The following SMYD3 variants were observed in gnomAD, a reference collection of about 807,000 sequenced individuals.
The protein encoded by SMYD3 is SET and MYND domain containing 3, also known as histone-lysine N-methyltransferase SMYD3.
Under a neutral mutation model 57.7 loss-of-function variants are expected in SMYD3, and 36 were observed. That is an observed-to-expected ratio of 0.62 (90% CI 0.48 to 0.82). SMYD3 has a LOEUF of 0.82. SMYD3 is among the 40% of genes least tolerant of loss of function. The probability of loss-of-function intolerance (pLI) is 0.00; values close to 1 mark genes in which losing one functional copy is unlikely to be tolerated. For missense variants in SMYD3, 515 were observed against 538.8 expected, an observed-to-expected ratio of 0.96 and a Z score of 0.44; for synonymous variants, 211 against 195.0, an observed-to-expected ratio of 1.08 and a Z score of -0.68.
At chr1:246,110,176 G>C (rs1427963998) in intron 5 of SMYD3, among the ~76,000 whole-genome samples, 1 of 152,216 alleles carries the variant, frequency 6.6e-6, no homozygotes, top group African/African-American at 2.4e-5. Context: ...CACTGAGTAA[G>C]GGGTGCACAT....
chr1:246,202,127 A>G lies in SMYD3; in HGVS notation c.531+125074T>C, dbSNP rs1327372707. On this transcript the variant is annotated intron_variant, in intron 5 of 11. Coordinates refer to ENST00000490107, the MANE Select transcript of SMYD3 (RefSeq NM_001167740.2). This position sits in a 1 kb window ranked among gnomAD's most constrained non-coding sequence, Gnocchi z 4.1. ...ATTATTATTTCTAGATGGTGAGCTA[A>G]TGGGTGATTTTTATTTAATACTTTT... Among the ~76,000 whole-genome samples, 1 of 152,266 alleles carries G rather than the reference A, an allele frequency of 6.6e-6. No homozygotes were observed. The highest frequency in any genetic ancestry group is 1.9e-4 in the East Asian group (1 of 5,190).
chr1:245,758,608 C>A (rs540570661), intron 11 of SMYD3, among the ~76,000 whole-genome samples: 2 of 152,066 alleles, frequency 1.3e-5, no homozygotes, highest in African/African-American at 4.8e-5. Context: ...TGTGGAGCTC[C>A]CTTCTGTTTA....
chr1:246,208,195 A>C (rs12133404), intron 5 of SMYD3, among the ~76,000 whole-genome samples: 24,206 of 152,074 alleles, frequency 0.16, 2,440 homozygotes, highest in East Asian at 0.34. Flanking sequence ...TTGATTCTGC[A>C]ACAGAGGTCC....
At chr1:245,931,502 T>C (rs1424030303) in intron 5 of SMYD3, among the ~76,000 whole-genome samples, 1 of 152,152 alleles carries the variant, frequency 6.6e-6, no homozygotes, top group Non-Finnish European at 1.5e-5. Context: ...TGAGAGCAAG[T>C]CCAACAGTTC....
At chr1:246,033,931 T>C (rs34798921) in intron 5 of SMYD3, among the ~76,000 whole-genome samples, 69,338 of 151,786 alleles carry the variant, frequency 0.46, 17,932 homozygotes, top group East Asian at 0.96. Context: ...GTGTTCTATC[T>C]TACAACTGTA....
At chr1:246,210,927 G>A (rs1403871434) in intron 5 of SMYD3, among the ~76,000 whole-genome samples, 2 of 152,086 alleles carry the variant, frequency 1.3e-5, no homozygotes, top group Non-Finnish European at 2.9e-5. Context: ...TTTCGGCCCC[G>A]CATGGTGTGC....
At chr1:246,196,049 C>T (rs540788062) in intron 5 of SMYD3, among the ~76,000 whole-genome samples, 1 of 152,026 alleles carries the variant, frequency 6.6e-6, no homozygotes, top group Non-Finnish European at 1.5e-5. Flanking sequence ...AAAAAAAAAC[C>T]TCCCTTTGCA....
At chr1:246,474,252 G>A (rs1374601893) in intron 1 of SMYD3, among the ~76,000 whole-genome samples, 2 of 152,146 alleles carry the variant, frequency 1.3e-5, no homozygotes, top group East Asian at 3.9e-4. Flanking sequence ...GGGCGCGGTG[G>A]CTCATGCCTT....
intron 5 of SMYD3, among the ~76,000 whole-genome samples, chr1:245,971,108 T>C (rs978919698): frequency 1.3e-5 from 2 of 152,196 alleles, no homozygotes; most frequent in African/African-American, 4.8e-5. Context: ...CACAGAATAC[T>C]ATGCAGCCAT....
intron 7 of SMYD3, among the ~76,000 whole-genome samples, chr1:245,925,286 T>G (rs1159190222): frequency 6.6e-6 from 1 of 152,214 alleles, no homozygotes; most frequent in Non-Finnish European, 1.5e-5. Context: ...TGTGTAATGA[T>G]CAAGTGATGG....
intron 5 of SMYD3, among the ~76,000 whole-genome samples, chr1:246,290,586 C>A (rs2064670339): frequency 6.6e-6 from 1 of 152,166 alleles, no homozygotes; most frequent in South Asian, 2.1e-4. Context: ...GCCATAAACA[C>A]TGGGTAATTT....
chr1:245,944,709 C>T (rs1220736533), intron 5 of SMYD3, among the ~76,000 whole-genome samples: 1 of 152,116 alleles, frequency 6.6e-6, no homozygotes, highest in Non-Finnish European at 1.5e-5. Context: ...AAGAACAAAG[C>T]CGGAGGCATC....
At chr1:246,066,478 T>G (rs2060341748) in intron 5 of SMYD3, among the ~76,000 whole-genome samples, 3 of 152,200 alleles carry the variant, frequency 2.0e-5, no homozygotes, top group Admixed American at 2.0e-4. Context: ...AAAGGTAGTG[T>G]GTCTAAAATT....
chr1:245,997,735 A>C (rs2058960190), intron 5 of SMYD3, among the ~76,000 whole-genome samples: 3 of 152,158 alleles, frequency 2.0e-5, no homozygotes, highest in African/African-American at 7.2e-5. Flanking sequence ...ACCACCAGGG[A>C]AACAAGACAC....
chr1:245,940,139 G>A lies in SMYD3; in HGVS notation c.532-10202C>T, dbSNP rs544367226. On this transcript the variant is annotated intron_variant, in intron 5 of 11. Transcript: ENST00000490107. ...TTACGGACAGAACTCTGATCTCCCC[G>A]GGACACAGCACTGGGGGGAGGGGCA... Among the ~76,000 whole-genome samples the A allele has an allele frequency of 3.9e-5, 6 of 152,232 alleles. No homozygotes were observed. The East Asian group carries it at 5.8e-4, about 15-fold the overall frequency.
At chr1:246,211,286 T>A (rs917555388) in intron 5 of SMYD3, among the ~76,000 whole-genome samples, 1 of 152,182 alleles carries the variant, frequency 6.6e-6, no homozygotes, top group African/African-American at 2.4e-5. Context: ...CATTGATTTC[T>A]GCTACCTCAT....
intron 8 of SMYD3, among the ~76,000 whole-genome samples, chr1:245,867,031 G>A (rs1209462256): frequency 6.6e-6 from 1 of 152,218 alleles, no homozygotes; most frequent in Non-Finnish European, 1.5e-5. Flanking sequence ...CTCCAAACCT[G>A]TGAATATGTT....
intron 10 of SMYD3, among the ~76,000 whole-genome samples, chr1:245,803,768 A>G (rs2047993525): frequency 6.6e-6 from 1 of 152,210 alleles, no homozygotes; most frequent in Non-Finnish European, 1.5e-5. Flanking sequence ...GAAAATTTCT[A>G]AAATTTGATG....
At chr1:246,221,733 C>T (rs752799382) in intron 5 of SMYD3, among the ~76,000 whole-genome samples, 22 of 152,328 alleles carry the variant, frequency 1.4e-4, no homozygotes, top group African/African-American at 4.6e-4. Flanking sequence ...GCGGACCCCA[C>T]GTTTGCTGAC....
Sources: allele counts gnomAD v4.1 joint callset (sites outside exome capture counted in the v4.1 genomes callset), GRCh38; gene constraint gnomAD v4.1.1; non-coding constraint Gnocchi (gnomAD v3.1); transcripts MANE v1.5; gene names NCBI Gene and HGNC (gene_info 2026-07-23, HGNC 2026-07-21).